DET1: variants seen among roughly 807,000 people sequenced by gnomAD.
The protein encoded by DET1 is DET1 partner of COP1 E3 ubiquitin ligase, also known as DET1 homolog.
A neutral mutation model predicts 43.7 loss-of-function variants in DET1; 22 were observed. That is an observed-to-expected ratio of 0.50 (90% confidence interval 0.36 to 0.72). DET1 has a LOEUF of 0.72. Ranked by LOEUF, DET1 falls within the 30% of genes least tolerant of loss-of-function variation. DET1 has a pLI of 0.00. For synonymous variants in DET1, 315 were observed against 266.2 expected (o/e 1.18, Z -1.79); for missense variants, 713 against 713.3 (o/e 1.00, Z 0.00).
chr15:88,511,247 C>T (rs548893271), downstream of DET1, among the ~76,000 whole-genome samples: 156 of 152,218 alleles, frequency 1.0e-3, no homozygotes, highest in South Asian at 3.5e-3. Flanking sequence ...CTCTCTATTC[C>T]CTCCAAGCCA....
downstream of DET1, among the ~76,000 whole-genome samples, chr15:88,509,716 C>A (rs1033334579): frequency 6.6e-6 from 1 of 152,212 alleles, no homozygotes; most frequent in Non-Finnish European, 1.5e-5. Flanking sequence ...CTCTTTTCTT[C>A]TGAATGCAAG....
At chr15:88,508,952 T>C (rs2056170061), downstream of DET1, among the ~76,000 whole-genome samples, 1 of 152,162 alleles carries the variant, frequency 6.6e-6, no homozygotes, top group Non-Finnish European at 1.5e-5. Flanking sequence ...CCAGGGTCTT[T>C]TGAAAAGCCA....
In DET1 at chr15:88,531,606, T is replaced by C; in HGVS notation, c.100A>G (p.Thr34Ala). Residue 34 changes from threonine (T) to alanine (A), a missense_variant, in exon 2 of 5, where the codon ACC (threonine) becomes GCC (alanine). Transcript: ENST00000268148. The surrounding 1 kb of genome is among the most constrained non-coding windows in gnomAD (Gnocchi z 6.2). ...AACACTCGGACTTGGTGCCAGTGGG[T>C]ACCTGCCTTGCCTGAACTGATCCGC... is the stretch of plus-strand genomic sequence containing the variant. ...RRRISSGKAGTHWHQVRVFHQ... is the reference protein window; with the variant it reads ...RRRISSGKAGAHWHQVRVFHQ... 2 of 1,614,042 alleles carry C rather than the reference T, an allele frequency of 1.2e-6. No homozygotes were observed. The highest frequency in any genetic ancestry group is 1.7e-6 in the Non-Finnish European group (2 of 1,179,894).
intron 2 of DET1, among the ~76,000 whole-genome samples, chr15:88,528,112 C>T (rs2056715717): frequency 1.3e-5 from 2 of 152,230 alleles, no homozygotes; most frequent in Admixed American, 1.3e-4. Context: ...TCATTTCAAA[C>T]TGTGCAAATT....
intron 7 of DET1, chr15:88,505,182 A>G (rs1034202055): frequency 1.3e-5 from 2 of 152,220 alleles, no homozygotes; most frequent in Non-Finnish European, 2.9e-5. Flanking sequence ...CATCTCAATG[A>G]TTAGTCCTGT....
intron 1 of DET1, among the ~76,000 whole-genome samples, chr15:88,535,966 T>C (rs1378926590): frequency 6.6e-6 from 1 of 151,716 alleles, no homozygotes; most frequent in African/African-American, 2.4e-5. Context: ...ATATGATAAA[T>C]CCAAAGAAAT....
rs1336515193 is a variant in DET1, at chr15:88,516,903, G to A, written c.1342C>T (p.Leu448Phe). 6.2e-7 allele frequency: 1 copy of A among 1,610,392 alleles called. No individual in the cohort carries two copies. Among genetic ancestry groups the A allele is most frequent in the African/African-American group, 1.3e-5 (1 of 74,816 alleles). The change falls in exon 4 of 5, where the codon CTC (leucine) becomes TTC (phenylalanine). Residue 448 changes from leucine (L) to phenylalanine (F), a missense_variant. Coordinates refer to ENST00000268148, the MANE Select transcript of DET1 (RefSeq NM_001144074.3). The surrounding 1 kb of genome is among the most constrained non-coding windows in gnomAD (Gnocchi z 4.4). ...TEAVRRLLGQ[L>F]PISAQSYSGS... Reference sequence around the variant, plus strand: ...CTGTAAGACTGAGCACTGATGGGGAGCTGACCCAGCAGCCGGCGTACTGCC... The same window carrying A: ...CTGTAAGACTGAGCACTGATGGGGAACTGACCCAGCAGCCGGCGTACTGCC...
At position 88,543,055 on chromosome 15, in the gene DET1, G is replaced by A. The variant is rs551177206; in HGVS notation, c.-11+3485C>T. Reference sequence around the variant, plus strand: ...AGGTAATGGCCCATTGATTTGGACAGACACCGAAGAACAGGCTTTTCAAAA... The same window carrying A: ...AGGTAATGGCCCATTGATTTGGACAAACACCGAAGAACAGGCTTTTCAAAA... On this transcript the variant is annotated intron_variant, in intron 1 of 4. Coordinates refer to ENST00000268148, the MANE Select transcript of DET1 (RefSeq NM_001144074.3). Among the ~76,000 whole-genome samples, 80 of 152,210 alleles carry A rather than the reference G, an allele frequency of 5.3e-4. 1 individual carries two copies. Among genetic ancestry groups the A allele is most frequent in the Non-Finnish European group, 1.0e-3 (70 of 68,040 alleles).
chr15:88,539,094 G>A (rs963307197), intron 1 of DET1, among the ~76,000 whole-genome samples: 2 of 148,018 alleles, frequency 1.4e-5, no homozygotes, highest in Non-Finnish European at 3.0e-5. Context: ...CTGGCAGACC[G>A]CTCTCTCTCT....
At chr15:88,517,095 T>G in intron 3 of DET1, 122 bp from the exon 4 acceptor site, 2 of 710,476 alleles carry the variant, frequency 2.8e-6, no homozygotes, top group South Asian at 2.2e-5. Context: ...AAAACCTAGG[T>G]AATGAATTAA....
chr15:88,521,759 T>C (rs1185491243), intron 3 of DET1, among the ~76,000 whole-genome samples: 1 of 152,170 alleles, frequency 6.6e-6, no homozygotes, highest in Non-Finnish European at 1.5e-5. Flanking sequence ...TCTGATGTCA[T>C]TATGATGACT....
chr15:88,546,455 C>G (rs1159972327), intron 1 of DET1, 85 bp downstream of exon 1: 1 of 152,454 alleles, frequency 6.6e-6, no homozygotes, highest in African/African-American at 2.4e-5. Flanking sequence ...CGCGGGGCCT[C>G]TGGGCATCAG....
In DET1 at chr15:88,519,041, C is replaced by G. The variant is rs549035183; in HGVS notation, c.1272-2068G>C. On this transcript the variant is annotated intron_variant, in intron 3 of 4. Transcript: ENST00000268148. ...CTGGGCACTTCGGTTTTCAGCAAGA[C>G]CTGGCACCATCTCATCTACACCTTA... Among the ~76,000 whole-genome samples the G allele has an allele frequency of 4.6e-5, 7 of 152,100 alleles. No homozygotes were observed. The South Asian group carries it at 1.2e-3, about 27-fold the overall frequency.
intron 3 of DET1, among the ~76,000 whole-genome samples, chr15:88,523,673 G>C (rs532371015): frequency 4.6e-5 from 7 of 152,352 alleles, no homozygotes; most frequent in Non-Finnish European, 8.8e-5. Flanking sequence ...GCTCCTGACC[G>C]CGAGTGATCT....
In DET1 at chr15:88,531,251, C is replaced by A. The variant is rs768947563; in HGVS notation, c.455G>T (p.Arg152Leu). ...RECSLFTDDC[R>L]CVIVGSAAYL... is the part of the protein sequence containing the mutation. ...GGCAGCTGAGCCCACGATGACACAG[C>A]GGCAGTCATCAGTGAAGAGACTACA... The change falls in exon 2 of 5, where the codon CGC becomes CTC. Residue 152 changes from arginine to leucine, a missense_variant. By Grantham distance (102) the Arg-to-Leu change is moderately radical. Transcript: ENST00000268148. This position sits in a 1 kb window ranked among gnomAD's most constrained non-coding sequence, Gnocchi z 6.2. 3.1e-6 allele frequency: 5 copies of A among 1,613,644 alleles called. No individual in the cohort carries two copies. The highest frequency in any genetic ancestry group is 4.2e-6 in the Non-Finnish European group (5 of 1,179,810).
At chr15:88,518,691 G>A (rs2056412541) in intron 3 of DET1, among the ~76,000 whole-genome samples, 1 of 151,966 alleles carries the variant, frequency 6.6e-6, no homozygotes, top group African/African-American at 2.4e-5. Context: ...ACAATCAAGG[G>A]GATATCAATT....
chr15:88,538,327 C>T (rs1330689651), intron 1 of DET1, among the ~76,000 whole-genome samples: 1 of 150,796 alleles, frequency 6.6e-6, no homozygotes, highest in Non-Finnish European at 1.5e-5. Flanking sequence ...TCCACAGTCC[C>T]CAAGAATTCA....
intron 3 of DET1, among the ~76,000 whole-genome samples, chr15:88,524,980 A>T (rs899562808): frequency 3.9e-5 from 6 of 152,222 alleles, no homozygotes; most frequent in African/African-American, 7.2e-5. Context: ...CAATGTATAT[A>T]TACATTATAT....
At chr15:88,508,839 G>A (rs1192705935), downstream of DET1, among the ~76,000 whole-genome samples, 1 of 152,154 alleles carries the variant, frequency 6.6e-6, no homozygotes, top group African/African-American at 2.4e-5. Context: ...AGAATAAGGG[G>A]TCAAAGCAGG....
Sources: gnomAD v4.1 joint callset for allele counts (sites outside exome capture counted in the v4.1 genomes callset) on GRCh38, gnomAD v4.1.1 for gene constraint, Gnocchi (gnomAD v3.1) non-coding constraint, MANE v1.5 for transcripts, NCBI Gene and HGNC (gene_info 2026-07-23, HGNC 2026-07-21) for gene names.